Variants in MAGI2 observed in about 807,000 individuals in gnomAD.
The protein encoded by MAGI2 is membrane-associated guanylate kinase, WW and PDZ domain-containing protein 2.
Under a neutral mutation model 133.3 loss-of-function variants are expected in MAGI2, and 35 were observed. The observed-to-expected ratio is 0.26, with a 90% confidence interval of 0.20 to 0.35. The LOEUF (loss-of-function observed/expected upper bound fraction) is 0.35. MAGI2 is among the 10% of genes least tolerant of loss of function. The probability of loss-of-function intolerance (pLI) is 1.00; values close to 1 mark genes in which losing one functional copy is unlikely to be tolerated. For synonymous variants in MAGI2, 729 were observed against 710.6 expected (o/e 1.03, Z -0.41); for missense variants, 1,636 against 1,863.4 (o/e 0.88, Z 2.25).
intron 1 of MAGI2, among the ~76,000 whole-genome samples, chr7:79,136,036 A>AGAAAGAAG (rs1562929004): frequency 2.4e-4 from 33 of 137,112 alleles, no homozygotes; most frequent in African/African-American, 8.7e-4. Flanking sequence ...AAGGAAAGAA[A>AGAAAGAAG]GAAAGAAAGA....
chr7:78,934,620 AT>A (rs1329633178), intron 2 of MAGI2, among the ~76,000 whole-genome samples: 1 of 152,162 alleles, frequency 6.6e-6, no homozygotes, highest in Non-Finnish European at 1.5e-5. Context: ...ATTATTAAAA[AT>A]ATCGTATAAA....
chr7:78,735,248 A>G (rs1821737862), intron 2 of MAGI2, among the ~76,000 whole-genome samples: 2 of 152,058 alleles, frequency 1.3e-5, no homozygotes, highest in Non-Finnish European at 1.5e-5. Context: ...TCTTTGTTTT[A>G]CCTTGTAAGA....
At chr7:79,123,197 A>G (rs1820068255) in intron 1 of MAGI2, among the ~76,000 whole-genome samples, 1 of 152,216 alleles carries the variant, frequency 6.6e-6, no homozygotes, top group Non-Finnish European at 1.5e-5. Context: ...AACAACGTTC[A>G]ATGTATGAAT....
At chr7:78,202,090 C>T (rs1829304822) in intron 10 of MAGI2, among the ~76,000 whole-genome samples, 1 of 152,150 alleles carries the variant, frequency 6.6e-6, no homozygotes, top group Admixed American at 6.5e-5. Context: ...CATATCTTTT[C>T]ATATATCTTC....
intron 2 of MAGI2, among the ~76,000 whole-genome samples, chr7:78,643,083 T>A (rs1230974768): frequency 1.3e-5 from 2 of 152,224 alleles, no homozygotes; most frequent in Non-Finnish European, 2.9e-5. Flanking sequence ...ATTTGATCAT[T>A]ACACATTGTA....
Position 79,044,675 on chromosome 7 carries a change from T to C in MAGI2, c.302-37469A>G, listed in dbSNP as rs374092499. ...ATATGATTATGACTAGAAAACCCCA[T>C]AATGTCTGCCCAAAAGCTCCTAGAT... On this transcript the variant is annotated intron_variant, in intron 1 of 21. Transcript: ENST00000354212. Among the ~76,000 whole-genome samples, 4 of 152,150 alleles carry C rather than the reference T, an allele frequency of 2.6e-5. No individual in the cohort carries two copies. The East Asian group carries it at 7.7e-4, about 29-fold the overall frequency.
chr7:78,636,730 G>A (rs1312971895), intron 2 of MAGI2, among the ~76,000 whole-genome samples: 1 of 152,014 alleles, frequency 6.6e-6, no homozygotes, highest in African/African-American at 2.4e-5. Flanking sequence ...CCCGGGAGGC[G>A]GGGTTTACAG....
chr7:78,805,554 A>G (rs2151394134), intron 2 of MAGI2, among the ~76,000 whole-genome samples: 1 of 152,318 alleles, frequency 6.6e-6, no homozygotes, highest in South Asian at 2.1e-4. Context: ...TGCACTAGAC[A>G]GCCTCCAAAT....
chr7:78,064,628 AGTTT>A (rs1418640710), intron 21 of MAGI2, among the ~76,000 whole-genome samples: 1 of 152,174 alleles, frequency 6.6e-6, no homozygotes, highest in Non-Finnish European at 1.5e-5. Flanking sequence ...GAAGTGTGTC[AGTTT>A]GATTTATACT....
At chr7:78,823,580 CAAAAAAAAAAA>C (rs1166858938) in intron 2 of MAGI2, among the ~76,000 whole-genome samples, 7 of 91,864 alleles carry the variant, frequency 7.6e-5, no homozygotes, top group Admixed American at 3.7e-4. Flanking sequence ...GACTCCGTCT[CAAAAAAAAAAA>C]AAAAAAAAAA....
chr7:79,336,778 A>T lies in MAGI2; in HGVS notation c.301+116242T>A, dbSNP rs1203037475. Among the ~76,000 whole-genome samples the T allele has an allele frequency of 2.0e-5, 3 of 152,158 alleles. No individual in the cohort carries two copies. In the East Asian group the frequency reaches 5.8e-4, roughly 29 times the overall value. ...GTCCATCCATGTTTTGGCAAATGGC[A>T]GGATCTCCTTTTTAAAGGCTGAATA... On this transcript the variant is annotated intron_variant, in intron 1 of 21. Coordinates refer to ENST00000354212, the MANE Select transcript of MAGI2 (RefSeq NM_012301.4).
At chr7:78,244,830 A>C (rs1584539667) in intron 10 of MAGI2, among the ~76,000 whole-genome samples, 1 of 97,112 alleles carries the variant, frequency 1.0e-5, no homozygotes, top group Non-Finnish European at 1.8e-5. Context: ...CAAAGATGGC[A>C]AAAAAAAAAG....
At chr7:78,744,281 G>A (rs940352786) in intron 2 of MAGI2, among the ~76,000 whole-genome samples, 44 of 152,122 alleles carry the variant, frequency 2.9e-4, no homozygotes, top group African/African-American at 8.9e-4. Context: ...TATTTGAATA[G>A]CAATATCATC....
chr7:78,313,581 G>T (rs1222555506), intron 9 of MAGI2, among the ~76,000 whole-genome samples: 1 of 151,046 alleles, frequency 6.6e-6, no homozygotes, highest in Non-Finnish European at 1.5e-5. Flanking sequence ...AAGAAGAAGA[G>T]AAAAATATTT....
intron 2 of MAGI2, among the ~76,000 whole-genome samples, chr7:78,805,840 G>A (rs983997585): frequency 3.3e-5 from 5 of 152,090 alleles, no homozygotes; most frequent in Admixed American, 3.3e-4. Flanking sequence ...CCATGATGAT[G>A]AGTGAGCCAC....
chr7:79,176,464 C>G (rs1826106043), intron 1 of MAGI2, among the ~76,000 whole-genome samples: 1 of 152,054 alleles, frequency 6.6e-6, no homozygotes, highest in Admixed American at 6.6e-5. Context: ...GAAACTCATA[C>G]AAGGTCAACT....
At chr7:78,296,372 CTGCCTAGTATGCCCT>C (rs1424988031) in intron 9 of MAGI2, among the ~76,000 whole-genome samples, 1 of 152,194 alleles carries the variant, frequency 6.6e-6, no homozygotes, top group Non-Finnish European at 1.5e-5. Flanking sequence ...TCTGTTCCCT[CTGCCTAGTATGCCCT>C]TGCCTCACAC....
chr7:78,960,926 C>T (rs1381627720), intron 2 of MAGI2, among the ~76,000 whole-genome samples: 1 of 152,088 alleles, frequency 6.6e-6, no homozygotes, highest in African/African-American at 2.4e-5. Context: ...TTCCATACGA[C>T]CTATATCCTT....
chr7:78,769,254 A>G lies in MAGI2; in HGVS notation c.419-142015T>C, dbSNP rs561428377. Among the ~76,000 whole-genome samples the G allele has an allele frequency of 3.4e-5, 4 of 119,294 alleles. No homozygotes were observed. The East Asian group carries it at 8.3e-4, about 25-fold the overall frequency. 78.3% of individuals were successfully genotyped at this position (119,294 alleles called of 152,430 possible). On this transcript the variant is annotated intron_variant, in intron 2 of 21. Coordinates refer to ENST00000354212, the MANE Select transcript of MAGI2 (RefSeq NM_012301.4). The stretch of plus-strand genomic sequence containing the variant: ...CTTTCAGAGATGGACGATACAGGCA[A>G]ATATCTATTTTTTTTTTTAACCTGT...
Sources: allele counts gnomAD v4.1 joint callset (sites outside exome capture counted in the v4.1 genomes callset), GRCh38; gene constraint gnomAD v4.1.1; transcripts MANE v1.5; gene names NCBI Gene and HGNC (gene_info 2026-07-23, HGNC 2026-07-21).